ZC3H15: variants seen among roughly 807,000 people sequenced by gnomAD.
ZC3H15 encodes zinc finger CCCH domain-containing protein 15.
In ZC3H15, 15 loss-of-function variants were observed where a neutral mutation model predicts 51.2. The observed-to-expected ratio is 0.29, with a 90% CI of 0.20 to 0.45. The LOEUF is 0.45. Among genes scored for constraint, ZC3H15 ranks in the 20% least tolerant of loss-of-function variants. The pLI is 1.00. For missense variants in ZC3H15, 381 were observed against 494.7 expected, an observed-to-expected ratio of 0.77 and a Z score of 2.18; for synonymous variants, 144 against 162.8, an observed-to-expected ratio of 0.88 and a Z score of 0.88.
chr2:186,500,716 C>T (rs1205962122), intron 3 of ZC3H15: 1 of 455,044 alleles, frequency 2.2e-6, no homozygotes, highest in African/African-American at 2.0e-5. Context: ...TGCTCTGTCA[C>T]CAGGCTGGAG....
intron 4 of ZC3H15, among the ~76,000 whole-genome samples, 191 bp downstream of exon 4, chr2:186,501,616 T>G (rs1409135144): frequency 6.6e-6 from 1 of 152,202 alleles, no homozygotes; most frequent in Non-Finnish European, 1.5e-5. Flanking sequence ...GAAGATACTT[T>G]AAAAAACAGT....
chr2:186,495,577 T>A (rs980437768), intron 2 of ZC3H15, among the ~76,000 whole-genome samples: 2 of 152,206 alleles, frequency 1.3e-5, no homozygotes, highest in African/African-American at 4.8e-5. Flanking sequence ...TGTGTTATAT[T>A]CATCTATTTC....
Position 186,508,914 on chromosome 2 carries a change from C to T in ZC3H15, c.*181C>T. On this transcript the variant is annotated 3_prime_UTR_variant, in exon 10 of 10. Coordinates refer to ENST00000337859, the MANE Select transcript of ZC3H15 (RefSeq NM_018471.3). ...TTCTCTTCTGACTTTGGCTACATCT[C>T]ATAGTAAGTTCAGAGTAGTTCATGA... 3.0e-6 allele frequency: 2 copies of T among 666,126 alleles called. No individual in the cohort carries two copies. Among genetic ancestry groups the T allele is most frequent in the East Asian group, 2.8e-5 (1 of 36,018 alleles). 41.3% of individuals were successfully genotyped at this position (666,126 alleles called of 1,614,324 possible). A position where few individuals can be genotyped will look rare whatever the true frequency, so the allele number is the denominator to read the frequency against.
In ZC3H15 at chr2:186,501,345, T is replaced by A; in HGVS notation, c.362T>A (p.Phe121Tyr). The change falls in exon 4 of 10, where the codon TTC becomes TAC. Residue 121 changes from phenylalanine to tyrosine, a missense_variant. Phe to Tyr is a conservative substitution (Grantham distance 22, BLOSUM62 3). Coordinates refer to ENST00000337859, the MANE Select transcript of ZC3H15 (RefSeq NM_018471.3). ...GQCTKGDKCK[F>Y]SHDLTLERKC... ...TGTACTAAAGGAGATAAGTGTAAGT[T>A]CTCCCATGACTTGACTCTGGAGAGA... 1 of 1,613,874 alleles carries A rather than the reference T, an allele frequency of 6.2e-7. No individual in the cohort carries two copies.
intron 1 of ZC3H15, among the ~76,000 whole-genome samples, chr2:186,494,318 T>G (rs1685247390): frequency 6.6e-6 from 1 of 152,202 alleles, no homozygotes; most frequent in Non-Finnish European, 1.5e-5. Flanking sequence ...AGTAGTTTGA[T>G]TTCTTTATTA....
intron 1 of ZC3H15, among the ~76,000 whole-genome samples, chr2:186,493,480 G>GA (rs1685231665): frequency 2.0e-5 from 3 of 152,068 alleles, no homozygotes; most frequent in Admixed American, 1.3e-4. Context: ...AAAAGACCCA[G>GA]AAAAAATATT....
At chr2:186,507,111 T>C (rs1685482015) in intron 9 of ZC3H15, among the ~76,000 whole-genome samples, 1 of 152,202 alleles carries the variant, frequency 6.6e-6, no homozygotes. Context: ...TTTGAGATTT[T>C]TTGATTATCA....
At chr2:186,500,325 T>TA in intron 3 of ZC3H15, 32 bp downstream of exon 3, 1 of 1,521,676 alleles carries the variant, frequency 6.6e-7, no homozygotes, top group Non-Finnish European at 9.0e-7. Flanking sequence ...TGTGATTTTT[T>TA]ATCAAATGTA....
intron 3 of ZC3H15, 116 bp downstream of exon 3, chr2:186,500,409 G>T (rs755943660): frequency 2.2e-6 from 2 of 911,836 alleles, no homozygotes; most frequent in Non-Finnish European, 3.3e-6. Context: ...GAATGAAAAT[G>T]TTACTCCATC....
intron 1 of ZC3H15, among the ~76,000 whole-genome samples, chr2:186,490,656 C>G (rs1685181499): frequency 6.6e-6 from 1 of 152,158 alleles, no homozygotes; most frequent in African/African-American, 2.4e-5. Context: ...GAGCACTATT[C>G]AGTGTTGACC....
intron 5 of ZC3H15, 144 bp from the exon 6 acceptor site, chr2:186,503,888 A>G: frequency 1.8e-6 from 1 of 565,972 alleles, no homozygotes; most frequent in Non-Finnish European, 2.8e-6. Context: ...GAGGCTAGAC[A>G]GAGCACCCTT....
At chr2:186,491,772 C>T (rs531759443) in intron 1 of ZC3H15, among the ~76,000 whole-genome samples, 1 of 152,022 alleles carries the variant, frequency 6.6e-6, no homozygotes, top group Non-Finnish European at 1.5e-5. Flanking sequence ...TGAGAGGATT[C>T]AATAAAGTAT....
At chr2:186,506,894 A>G in intron 9 of ZC3H15, 58 bp downstream of exon 9, 2 of 1,554,604 alleles carry the variant, frequency 1.3e-6, no homozygotes, top group Admixed American at 3.8e-5. Flanking sequence ...AAAGGGGGTT[A>G]TACCAGGCTT....
Position 186,506,750 on chromosome 2 carries a change from G to A in ZC3H15, c.1004G>A (p.Ser335Asn). 1 of 1,613,700 alleles carries A rather than the reference G, an allele frequency of 6.2e-7. No homozygotes were observed. Among genetic ancestry groups the A allele is most frequent in the Non-Finnish European group, 8.5e-7 (1 of 1,179,752 alleles). Residue 335 changes from serine to asparagine, a missense_variant, in exon 9 of 10, where the codon AGC becomes AAC. Around this residue, in one of 3 missense-constraint regions of ZC3H15, gnomAD observed 215 missense variants for 241.8 expected, o/e 0.89. Transcript: ENST00000337859. ...DSVSVNDIDL[S>N]LYIPRDVDET... ...GTGAGTGTAAATGACATAGATTTAA[G>A]CCTGTACATCCCAAGAGATGTAGAT...
intron 1 of ZC3H15, among the ~76,000 whole-genome samples, chr2:186,492,262 G>C (rs1363391398): frequency 6.6e-6 from 1 of 152,152 alleles, no homozygotes; most frequent in Non-Finnish European, 1.5e-5. Context: ...TAAAGGAAAA[G>C]TATGGCATTT....
At chr2:186,507,107 A>T (rs897044365) in intron 9 of ZC3H15, among the ~76,000 whole-genome samples, 1 of 152,202 alleles carries the variant, frequency 6.6e-6, no homozygotes, top group African/African-American at 2.4e-5. Context: ...TGAGTTTGAG[A>T]TTTTTTGATT....
At chr2:186,492,152 G>A (rs1238613284) in intron 1 of ZC3H15, among the ~76,000 whole-genome samples, 12 of 152,170 alleles carry the variant, frequency 7.9e-5, no homozygotes, top group African/African-American at 2.7e-4. Flanking sequence ...GGGTTGAACC[G>A]CAGTTTATTT....
intron 9 of ZC3H15, 140 bp from the exon 10 acceptor site, chr2:186,508,403 T>C: frequency 2.8e-6 from 2 of 709,618 alleles, no homozygotes; most frequent in Non-Finnish European, 4.7e-6. Flanking sequence ...TGATCAGTTC[T>C]TGCTGGAGTA....
At chr2:186,488,362 A>AT (rs903398739) in intron 1 of ZC3H15, among the ~76,000 whole-genome samples, 6 of 152,086 alleles carry the variant, frequency 3.9e-5, no homozygotes, top group Non-Finnish European at 7.4e-5. Context: ...GCAGCCACTA[A>AT]TTTTTTTGAC....
Sources: allele counts gnomAD v4.1 joint callset (sites outside exome capture counted in the v4.1 genomes callset), GRCh38; gene constraint gnomAD v4.1.1; regional missense constraint gnomAD v4.1.1; transcripts MANE v1.5; gene names NCBI Gene and HGNC (gene_info 2026-07-23, HGNC 2026-07-21).